NOX4: variants seen among roughly 807,000 people sequenced by gnomAD.
NOX4 encodes kidney oxidase-1.
In NOX4, 69 loss-of-function variants were observed where a neutral mutation model predicts 87.6. That is an observed-to-expected ratio of 0.79 (90% confidence interval 0.65 to 0.96). NOX4 has a LOEUF of 0.96. Among genes scored for constraint, NOX4 ranks in the 40% least tolerant of loss-of-function variants. NOX4 has a pLI of 0.00. For missense variants in NOX4, 680 were observed against 681.5 expected, an observed-to-expected ratio of 1.00 and a Z score of 0.02; for synonymous variants, 275 against 238.2, an observed-to-expected ratio of 1.15 and a Z score of -1.42.
At chr11:89,501,083 A>AT (rs899045489), upstream of NOX4, among the ~76,000 whole-genome samples, 8 of 151,990 alleles carry the variant, frequency 5.3e-5, no homozygotes, top group Admixed American at 4.6e-4. Flanking sequence ...GGAGAACAGG[A>AT]TTTTTTTTAA....
intron 2 of NOX4, among the ~76,000 whole-genome samples, chr11:89,465,259 T>C (rs1450477788): frequency 2.6e-5 from 4 of 152,184 alleles, no homozygotes; most frequent in African/African-American, 9.7e-5. Flanking sequence ...GTTGTGTTAG[T>C]TTGCTGTGAA....
intron 6 of NOX4, 137 bp downstream of exon 6, chr11:89,440,551 C>T (rs772974982): frequency 1.5e-5 from 7 of 463,820 alleles, no homozygotes; most frequent in Admixed American, 4.4e-5. Context: ...TTTCGAGTTC[C>T]TGACCTCAGG....
the NOX4 span, among the ~76,000 whole-genome samples, chr11:89,560,994 C>CTATATATATATATATA: frequency 5.0e-5 from 3 of 59,436 alleles, no homozygotes; most frequent in Admixed American, 2.1e-4. Flanking sequence ...CTCTCTCTCT[C>CTATATATATATATATA]TCTATATATA....
At chr11:89,534,866 G>A in the NOX4 span, among the ~76,000 whole-genome samples, 5 of 152,176 alleles carry the variant, frequency 3.3e-5, no homozygotes, top group African/African-American at 9.7e-5. Flanking sequence ...ACAATAGTTT[G>A]CACATAGGGC....
At chr11:89,396,586 G>A (rs1184685486) in intron 11 of NOX4, among the ~76,000 whole-genome samples, 1 of 152,074 alleles carries the variant, frequency 6.6e-6, no homozygotes, top group Non-Finnish European at 1.5e-5. Context: ...CTCACGTGCA[G>A]AGATGCACAT....
At chr11:89,559,807 T>C in the NOX4 span, among the ~76,000 whole-genome samples, 1 of 152,104 alleles carries the variant, frequency 6.6e-6, no homozygotes, top group East Asian at 1.9e-4. Context: ...ACACCAGAAC[T>C]TGAGCAAAGA....
chr11:89,490,945 C>G (rs753951990), intron 1 of NOX4: 24 of 673,272 alleles, frequency 3.6e-5, no homozygotes, highest in Non-Finnish European at 5.3e-5. Flanking sequence ...AAAATGACCT[C>G]TTCCCTCTTC....
the NOX4 span, among the ~76,000 whole-genome samples, chr11:89,576,753 T>G: frequency 2.0e-5 from 3 of 152,206 alleles, no homozygotes; most frequent in Non-Finnish European, 4.4e-5. Flanking sequence ...TCATATTCAT[T>G]TCTATTAATA....
Position 89,353,861 on chromosome 11 carries a change from C to T in NOX4, c.1217+1101G>A, listed in dbSNP as rs540594257. 4.6e-5 allele frequency among the ~76,000 whole-genome samples: 7 copies of T among 152,198 alleles called. No individual in the cohort carries two copies. The South Asian group carries it at 6.2e-4, about 14-fold the overall frequency. On this transcript the variant is annotated intron_variant, in intron 13 of 17. Transcript: ENST00000263317. ...CATTCATGCTCCTGGTCAACATGTA[C>T]GTATAGAGCAAAGTATGCATTCAAG...
At chr11:89,390,041 C>A (rs1941019982) in intron 11 of NOX4, among the ~76,000 whole-genome samples, 1 of 152,148 alleles carries the variant, frequency 6.6e-6, no homozygotes, top group Admixed American at 6.6e-5. Flanking sequence ...TAGTGGGAAT[C>A]ACCATATGGG....
At chr11:89,571,455 C>T in the NOX4 span, among the ~76,000 whole-genome samples, 3 of 152,094 alleles carry the variant, frequency 2.0e-5, no homozygotes, top group South Asian at 6.2e-4. Flanking sequence ...CACCACCATG[C>T]CTGGCTGGTT....
At chr11:89,342,386 A>T in intron 13 of NOX4, among the ~76,000 whole-genome samples, 193 bp from the exon 14 acceptor site, 1 of 152,282 alleles carries the variant, frequency 6.6e-6, no homozygotes, top group East Asian at 1.9e-4. Flanking sequence ...TAAAATAAAT[A>T]CGTCTGTTTC....
chr11:89,578,777 T>C, the NOX4 span, among the ~76,000 whole-genome samples: 2 of 152,188 alleles, frequency 1.3e-5, no homozygotes, highest in South Asian at 4.1e-4. Context: ...GGGTACAATC[T>C]AGCAATTGTA....
chr11:89,483,667 A>G (rs201638358), intron 2 of NOX4, among the ~76,000 whole-genome samples: 5 of 152,154 alleles, frequency 3.3e-5, no homozygotes, highest in East Asian at 3.9e-4. Flanking sequence ...GACAGGAAGA[A>G]TAAGTTCAAG....
intron 11 of NOX4, among the ~76,000 whole-genome samples, chr11:89,377,324 TC>T (rs1469193054): frequency 2.6e-5 from 4 of 152,182 alleles, no homozygotes; most frequent in African/African-American, 9.6e-5. Context: ...TCTATCTAGT[TC>T]CTTTGACATA....
chr11:89,335,819 T>C (rs751136258), intron 17 of NOX4, 26 bp downstream of exon 17: 2 of 1,080,254 alleles, frequency 1.9e-6, no homozygotes, highest in South Asian at 1.7e-5. Context: ...TAGCCACATA[T>C]CAAATTTTTG....
chr11:89,515,932 C>A, the NOX4 span, among the ~76,000 whole-genome samples: 1 of 152,050 alleles, frequency 6.6e-6, no homozygotes, highest in Non-Finnish European at 1.5e-5. Context: ...TTAACTACAT[C>A]TTCTTCCACC....
intron 3 of NOX4, 64 bp downstream of exon 3, chr11:89,451,717 AAACT>A: frequency 9.1e-7 from 1 of 1,097,340 alleles, no homozygotes; most frequent in Non-Finnish European, 1.4e-6. Flanking sequence ...AAAAGTAAAC[AAACT>A]AACATGCGAC....
At chr11:89,501,615 TTTG>T (rs1482147496), upstream of NOX4, among the ~76,000 whole-genome samples, 1 of 152,072 alleles carries the variant, frequency 6.6e-6, no homozygotes, top group African/African-American at 2.4e-5. Context: ...TACAACGACC[TTTG>T]TTGTTAGCTC....
Sources: gnomAD v4.1 joint callset for allele counts (sites outside exome capture counted in the v4.1 genomes callset) on GRCh38, gnomAD v4.1.1 for gene constraint, MANE v1.5 for transcripts, NCBI Gene and HGNC (gene_info 2026-07-23, HGNC 2026-07-21) for gene names.